The following MROH9 variants were observed in gnomAD, a reference collection of about 807,000 sequenced individuals.
MROH9 encodes maestro heat-like repeat-containing protein family member 9.
In MROH9, 92 loss-of-function variants were observed where a neutral mutation model predicts 98.2. The observed-to-expected ratio is 0.94, with a 90% CI of 0.79 to 1.11. The LOEUF is 1.11. Among genes scored for constraint, MROH9 ranks in the 50% most tolerant of loss-of-function variants. The pLI is 0.00. For synonymous variants in MROH9, 397 were observed against 368.9 expected (o/e 1.08, Z -0.87); for missense variants, 1,057 against 1,014.8 (o/e 1.04, Z -0.57).
At chr1:171,037,229 G>A (rs1359828082) in intron 20 of MROH9, among the ~76,000 whole-genome samples, 1 of 151,004 alleles carries the variant, frequency 6.6e-6, no homozygotes, top group African/African-American at 2.4e-5. Flanking sequence ...AGGAAGAAAA[G>A]GAGGAAGGGA....
intron 8 of MROH9, among the ~76,000 whole-genome samples, chr1:170,976,941 T>A (rs1044475603): frequency 7.2e-5 from 11 of 152,120 alleles, no homozygotes; most frequent in Non-Finnish European, 4.4e-5. Context: ...ACATTCTGGT[T>A]TCTTTTTTTT....
intron 4 of MROH9, among the ~76,000 whole-genome samples, chr1:170,959,142 G>A (rs1018216809): frequency 2.0e-5 from 3 of 152,130 alleles, no homozygotes; most frequent in African/African-American, 7.2e-5. Flanking sequence ...TTGGGAGGCT[G>A]AGGCGGGCGG....
In MROH9 at chr1:170,993,999, C is replaced by T. The variant is rs111845941; in HGVS notation, c.1195-1390C>T. Reference sequence around the variant, plus strand: ...AAAATGTAAAGACTTTTAGAGGGTTCTAATTATTTTTATGCATTTTGCAAA... The same window carrying T: ...AAAATGTAAAGACTTTTAGAGGGTTTTAATTATTTTTATGCATTTTGCAAA... On this transcript the variant is annotated intron_variant, in intron 12 of 21. Coordinates refer to ENST00000367759, the MANE Select transcript of MROH9 (RefSeq NM_001163629.2). Among the ~76,000 whole-genome samples, 1,327 of 152,152 alleles carry T rather than the reference C, an allele frequency of 8.7e-3. 23 individuals carry two copies. Among genetic ancestry groups the T allele is most frequent in the African/African-American group, 0.03 (1,259 of 41,498 alleles).
chr1:170,963,490 C>A (rs1278055264), intron 6 of MROH9, among the ~76,000 whole-genome samples: 4 of 151,928 alleles, frequency 2.6e-5, no homozygotes, highest in Non-Finnish European at 5.9e-5. Flanking sequence ...TATAATATAT[C>A]CAGAGGAATA....
intron 3 of MROH9, among the ~76,000 whole-genome samples, chr1:170,957,692 T>G (rs778819215): frequency 1.3e-5 from 2 of 152,076 alleles, no homozygotes; most frequent in Non-Finnish European, 2.9e-5. Context: ...CTTAGTGGAA[T>G]CCCTTTAATT....
At chr1:171,042,527 T>C (rs1653341403) in intron 20 of MROH9, among the ~76,000 whole-genome samples, 1 of 152,144 alleles carries the variant, frequency 6.6e-6, no homozygotes, top group African/African-American at 2.4e-5. Context: ...CTGGATTATA[T>C]GGTAGTTCAA....
rs116458329 is a variant in MROH9, at chr1:171,035,325, G to A, written c.2281+9905G>A. Among the ~76,000 whole-genome samples the A allele has an allele frequency of 6.9e-3, 1,049 of 151,566 alleles. 12 individuals are homozygous for A. The highest frequency in any genetic ancestry group is 0.024 in the African/African-American group (1,010 of 41,414). On this transcript the variant is annotated intron_variant, in intron 20 of 21. Coordinates refer to ENST00000367759, the MANE Select transcript of MROH9 (RefSeq NM_001163629.2). ...GGAAGTTCAAAAAAGAGAAAACATAGAGACAAATAATCATGTAAAACATGT... is the reference window on the plus strand; with the variant it reads ...GGAAGTTCAAAAAAGAGAAAACATAAAGACAAATAATCATGTAAAACATGT...
chr1:170,939,818 G>T (rs936685188), intron 1 of MROH9, among the ~76,000 whole-genome samples: 4 of 152,118 alleles, frequency 2.6e-5, no homozygotes, highest in African/African-American at 7.2e-5. Flanking sequence ...CATGTCAAGG[G>T]CTGTTTCTCA....
In MROH9 at chr1:171,000,143, C is replaced by T. The variant is rs187699950; in HGVS notation, c.1596+1869C>T. 2.0e-3 allele frequency among the ~76,000 whole-genome samples: 305 copies of T among 152,230 alleles called. 4 individuals are homozygous for T. Among genetic ancestry groups the T allele is most frequent in the Middle Eastern group, 6.8e-3 (2 of 294 alleles). Reference sequence around the variant, plus strand: ...TCCCACTCTGTGGGTTGTCTGTTTACTCTGCTGACTATTCCTTTTGTCATG... The same window carrying T: ...TCCCACTCTGTGGGTTGTCTGTTTATTCTGCTGACTATTCCTTTTGTCATG... On this transcript the variant is annotated intron_variant, in intron 15 of 21. Coordinates refer to ENST00000367759, the MANE Select transcript of MROH9 (RefSeq NM_001163629.2).
chr1:171,053,909 GAGAA>G (rs1219432360), intron 20 of MROH9, among the ~76,000 whole-genome samples: 1 of 152,060 alleles, frequency 6.6e-6, no homozygotes, highest in East Asian at 1.9e-4. Flanking sequence ...AAAGAGAGAG[GAGAA>G]AGAATGAGGC....
chr1:170,996,466 T>A, intron 13 of MROH9, 41 bp from the exon 14 acceptor site: 1 of 1,604,310 alleles, frequency 6.2e-7, no homozygotes, highest in Non-Finnish European at 8.5e-7. Context: ...TTTTTGAATA[T>A]CACCGGCATG....
chr1:170,958,603 T>A, intron 4 of MROH9, 63 bp downstream of exon 4: 1 of 1,121,840 alleles, frequency 8.9e-7, no homozygotes, highest in Non-Finnish European at 1.3e-6. Context: ...GTTATATCTT[T>A]AAAAACATGC....
chr1:171,048,040 A>G (rs1327175809), intron 20 of MROH9, among the ~76,000 whole-genome samples: 15 of 152,180 alleles, frequency 9.9e-5, no homozygotes, highest in Admixed American at 5.9e-4. Context: ...AACCACCTAA[A>G]GCAGGGGATA....
intron 3 of MROH9, among the ~76,000 whole-genome samples, chr1:170,955,354 C>T (rs1015558162): frequency 2.6e-5 from 4 of 152,100 alleles, no homozygotes; most frequent in Admixed American, 2.6e-4. Flanking sequence ...ATTGCTGGAT[C>T]AAATGGTAGT....
chr1:171,061,300 T>C (rs909952789), intron 20 of MROH9, among the ~76,000 whole-genome samples: 2 of 152,240 alleles, frequency 1.3e-5, no homozygotes, highest in Admixed American at 1.3e-4. Flanking sequence ...CCACTTTGGA[T>C]AACTGTTTAG....
At chr1:171,032,462 G>A (rs1378073460) in intron 20 of MROH9, among the ~76,000 whole-genome samples, 1 of 152,088 alleles carries the variant, frequency 6.6e-6, no homozygotes, top group Non-Finnish European at 1.5e-5. Context: ...GGGTTTTTGT[G>A]GGGGCTTTTT....
At chr1:171,016,429 C>A in intron 17 of MROH9, 93 bp downstream of exon 17, 3 of 944,722 alleles carry the variant, frequency 3.2e-6, no homozygotes, top group Non-Finnish European at 2.8e-6. Context: ...CAGAATAAGC[C>A]AATAGGAGAA....
At chr1:171,055,618 T>TAAAAA (rs1204544479) in intron 20 of MROH9, among the ~76,000 whole-genome samples, 10 of 78,268 alleles carry the variant, frequency 1.3e-4, no homozygotes, top group South Asian at 5.5e-4. Flanking sequence ...TGAGACTTCA[T>TAAAAA]AAAAAAAAAA....
intron 2 of MROH9, 112 bp downstream of exon 2, chr1:170,945,693 C>A: frequency 2.2e-6 from 2 of 919,926 alleles, no homozygotes; most frequent in Non-Finnish European, 1.6e-6. Context: ...ACCATGATAA[C>A]AAAGAATGTA....
Sources: gnomAD v4.1 joint callset for allele counts (sites outside exome capture counted in the v4.1 genomes callset) on GRCh38, gnomAD v4.1.1 for gene constraint, MANE v1.5 for transcripts, NCBI Gene and HGNC (gene_info 2026-07-23, HGNC 2026-07-21) for gene names.